Variants in BRWD1 observed in about 807,000 individuals in gnomAD.
BRWD1 encodes the protein bromodomain and WD repeat domain containing 1.
In BRWD1, 82 loss-of-function variants were observed where a neutral mutation model predicts 251.2. The observed-to-expected ratio is 0.33, with a 90% confidence interval of 0.27 to 0.39. The LOEUF (loss-of-function observed/expected upper bound fraction) is 0.39. Among genes scored for constraint, BRWD1 ranks in the 10% least tolerant of loss-of-function variants. The pLI is 1.00. For missense variants in BRWD1, 2,233 were observed against 2,711.6 expected (o/e 0.82, Z 3.92); for synonymous variants, 918 against 902.8 (o/e 1.02, Z -0.30).
Position 39,258,630 on chromosome 21 carries a change from T to C in BRWD1, c.1928A>G (p.Asn643Ser), listed in dbSNP as rs775121851. The C allele has an allele frequency of 4.3e-6, 7 of 1,610,518 alleles. No homozygotes were observed. Among genetic ancestry groups the C allele is most frequent in the Admixed American group, 3.3e-5 (2 of 59,756 alleles). The change falls in exon 18 of 41, where the codon AAT (asparagine) becomes AGT (serine). Residue 643 changes from asparagine to serine, a missense_variant. Around this residue, in one of 12 missense-constraint regions of BRWD1, gnomAD observed 315 missense variants for 421.8 expected, o/e 0.75. Coordinates refer to ENST00000342449, the MANE Select transcript of BRWD1 (RefSeq NM_033656.4). ...TTCTGGGCTGCGTTCATCATTATCA[T>C]TGGTTTGCAGGCTTATAATTTGTTC... Reference protein sequence around the residue: ...VIEQIISLQTNDNDERSPESS... With the variant: ...VIEQIISLQTSDNDERSPESS...
At chr21:39,209,232 C>T (rs1486129928) in intron 36 of BRWD1, among the ~76,000 whole-genome samples, 2 of 152,056 alleles carry the variant, frequency 1.3e-5, no homozygotes, top group Non-Finnish European at 2.9e-5. Flanking sequence ...TTCCAGACCT[C>T]TCCTTTCCTT....
chr21:39,196,095 G>A lies in BRWD1; in HGVS notation c.*164C>T. 1 of 1,384,780 alleles carries A rather than the reference G, an allele frequency of 7.2e-7. No homozygotes were observed. The highest frequency in any genetic ancestry group is 9.3e-7 in the Non-Finnish European group (1 of 1,075,042). The allele number at this position is 1,384,780 out of a possible 1,614,324, so 85.8% of individuals were successfully genotyped here. A position where few individuals can be genotyped will look rare whatever the true frequency, so the allele number is the denominator to read the frequency against. ...TGAATGCTGCTACAAAGACCAGCAA[G>A]TGCAAATAAAAATAACAGTCATGAT... On this transcript the variant is annotated 3_prime_UTR_variant, in exon 41 of 41. Coordinates refer to ENST00000342449, the MANE Select transcript of BRWD1 (RefSeq NM_033656.4).
chr21:39,249,745 A>G (rs1171927110), intron 20 of BRWD1, among the ~76,000 whole-genome samples: 3 of 152,246 alleles, frequency 2.0e-5, no homozygotes, highest in African/African-American at 4.8e-5. Context: ...AAAAACTCGT[A>G]TTAATGAGTT....
In BRWD1 at chr21:39,194,606, G is replaced by A. The variant is rs1423146863; in HGVS notation, c.*1653C>T. The A allele has an allele frequency of 2.3e-5, 34 of 1,509,432 alleles. No individual in the cohort carries two copies. The South Asian group carries it at 3.9e-4, about 17-fold the overall frequency. 93.5% of individuals were successfully genotyped at this position (1,509,432 alleles called of 1,614,324 possible). Reference sequence around the variant, plus strand: ...AAAACATCCTTCCCCATGCATCAGAGTAGAAAGAAAATGTACCTTCTACTA... The same window carrying A: ...AAAACATCCTTCCCCATGCATCAGAATAGAAAGAAAATGTACCTTCTACTA... On this transcript the variant is annotated 3_prime_UTR_variant, in exon 41 of 41. Coordinates refer to ENST00000342449, the MANE Select transcript of BRWD1 (RefSeq NM_033656.4).
intron 40 of BRWD1, 119 bp downstream of exon 40, chr21:39,198,644 G>T (rs2031944672): frequency 1.2e-6 from 1 of 803,002 alleles, no homozygotes; most frequent in Non-Finnish European, 1.9e-6. Context: ...GGGAGGGAGA[G>T]AAACAGCAAA....
At chr21:39,267,926 A>G (rs1299017274) in intron 15 of BRWD1, among the ~76,000 whole-genome samples, 3 of 152,224 alleles carry the variant, frequency 2.0e-5, no homozygotes, top group Non-Finnish European at 4.4e-5. Flanking sequence ...GTTTTACATG[A>G]AATAAGATTA....
intron 15 of BRWD1, among the ~76,000 whole-genome samples, chr21:39,267,109 A>G (rs891442900): frequency 6.6e-6 from 1 of 152,202 alleles, no homozygotes; most frequent in Non-Finnish European, 1.5e-5. Flanking sequence ...TTTTCCAATA[A>G]TTTGAATACA....
Position 39,298,561 on chromosome 21 carries a change from C to G in BRWD1, c.220G>C (p.Ala74Pro), listed in dbSNP as rs1388598697. The change falls in exon 5 of 41, where the codon GCT becomes CCT. Residue 74 changes from alanine (A) to proline (P), a missense_variant. Around this residue, in one of 12 missense-constraint regions of BRWD1, gnomAD observed 101 missense variants for 95.6 expected, o/e 1.06. Transcript: ENST00000342449. ...CAGATTTGCAAAAGATGATCAGGAG[C>G]CACATGCTTATTGGACAAGACCTAG... is the stretch of plus-strand genomic sequence containing the variant. ...EELVLSNKHV[A>P]PDHLLQICQR... is the part of the protein sequence containing the mutation. 1 of 1,599,306 alleles carries G rather than the reference C, an allele frequency of 6.3e-7. No homozygotes were observed. The highest frequency in any genetic ancestry group is 1.8e-5 in the Admixed American group (1 of 56,494).
intron 8 of BRWD1, among the ~76,000 whole-genome samples, chr21:39,289,117 GA>G (rs1342182858): frequency 1.3e-5 from 2 of 152,110 alleles, no homozygotes; most frequent in Non-Finnish European, 2.9e-5. Context: ...TGTTTACATT[GA>G]CATTTACTAT....
At chr21:39,278,702 A>T (rs374387045) in intron 10 of BRWD1, 41 bp downstream of exon 10, 96 of 1,042,644 alleles carry the variant, frequency 9.2e-5, no homozygotes, top group Non-Finnish European at 1.2e-4. Flanking sequence ...ATAGATGTTT[A>T]AAAAAAAAAA....
At chr21:39,245,898 G>A (rs554683672) in intron 21 of BRWD1, among the ~76,000 whole-genome samples, 13 of 152,062 alleles carry the variant, frequency 8.5e-5, no homozygotes, top group Admixed American at 3.3e-4. Flanking sequence ...CACCGTGCCC[G>A]GCCTATTAAA....
At position 39,189,484 on chromosome 21, in the gene BRWD1, A is replaced by C. The variant is rs186966887; in HGVS notation, c.*6775T>G. On this transcript the variant is annotated 3_prime_UTR_variant, in exon 41 of 41. Coordinates refer to ENST00000342449, the MANE Select transcript of BRWD1 (RefSeq NM_033656.4). ...AATGGAAAAGTTAAGATTCTGCAGG[A>C]AAAAAAAAACTAAAATCAGGTTTTT... 11 of 924,220 alleles carry C rather than the reference A, an allele frequency of 1.2e-5. No individual in the cohort carries two copies. The highest frequency in any genetic ancestry group is 6.4e-5 in the Admixed American group (1 of 15,662). 57.3% of individuals were successfully genotyped at this position (924,220 alleles called of 1,614,324 possible). A position where few individuals can be genotyped will look rare whatever the true frequency, so the allele number is the denominator to read the frequency against.
chr21:39,196,827 G>T lies in BRWD1; in HGVS notation c.6242C>A (p.Ala2081Glu), dbSNP rs982565745. ...SESTLAQKATAENNFEVELNY... is the reference protein window; with the variant it reads ...SESTLAQKATEENNFEVELNY... ...CAGTTCCACTTCAAAATTATTCTCT[G>T]CAGTAGCTTTTTGTGCCAAGGTTGA... Residue 2081 changes from alanine (A) to glutamate (E), a missense_variant, in exon 41 of 41, where the codon GCA becomes GAA. Transcript: ENST00000342449. 1 of 1,613,302 alleles carries T rather than the reference G, an allele frequency of 6.2e-7. No homozygotes were observed. Among genetic ancestry groups the T allele is most frequent in the African/African-American group, 1.3e-5 (1 of 74,866 alleles).
intron 30 of BRWD1, 82 bp from the exon 31 acceptor site, chr21:39,218,354 A>G: frequency 6.7e-7 from 1 of 1,500,230 alleles, no homozygotes; most frequent in Non-Finnish European, 8.9e-7. Context: ...TTCATAAGAT[A>G]TGGCTACATT....
intron 8 of BRWD1, among the ~76,000 whole-genome samples, chr21:39,281,860 T>TC (rs2035467785): frequency 6.8e-6 from 1 of 146,708 alleles, no homozygotes; most frequent in Admixed American, 7.0e-5. Context: ...ACAGCAAGAC[T>TC]CCTTCACCTA....
At chr21:39,221,515 A>G (rs1377708737) in intron 29 of BRWD1, among the ~76,000 whole-genome samples, 4 of 152,128 alleles carry the variant, frequency 2.6e-5, no homozygotes, top group East Asian at 1.9e-4. Flanking sequence ...TGAAACAGTA[A>G]AAGAAAATAA....
rs1387048262 is a variant in BRWD1 at position 39,313,606 on chromosome 21, GCCGCCGCCATA to G, written c.-126_-116del. The G allele has an allele frequency of 9.4e-6, 8 of 848,836 alleles. No individual in the cohort carries two copies. Among genetic ancestry groups the G allele is most frequent in the Non-Finnish European group, 1.2e-5 (8 of 640,616 alleles). 52.6% of individuals were successfully genotyped at this position (848,836 alleles called of 1,614,324 possible). A position where few individuals can be genotyped will look rare whatever the true frequency, so the allele number is the denominator to read the frequency against. ...TCAGGCGCGCGCCGCCGCCGCCGCC[GCCGCCGCCATA>G]CCGTGCGCGCCGCCTGGACCGACGC... On this transcript the variant is annotated 5_prime_UTR_variant, in exon 1 of 41. The change abolishes an upstream ATG in the 5' untranslated region. Transcript: ENST00000342449.
Position 39,187,438 on chromosome 21 carries a change from C to G in BRWD1, c.*8821G>C, listed in dbSNP as rs1408815111. Reference sequence around the variant, plus strand: ...AAATTCTGAAAAATGAGTGAAAGTTCATGTAAATGCAAAAATCTTGTAACA... The same window carrying G: ...AAATTCTGAAAAATGAGTGAAAGTTGATGTAAATGCAAAAATCTTGTAACA... On this transcript the variant is annotated 3_prime_UTR_variant, in exon 41 of 41. Coordinates refer to ENST00000342449, the MANE Select transcript of BRWD1 (RefSeq NM_033656.4). 6.5e-7 allele frequency: 1 copy of G among 1,526,842 alleles called. No individual in the cohort carries two copies. The highest frequency in any genetic ancestry group is 8.8e-7 in the Non-Finnish European group (1 of 1,140,994). 94.6% of individuals were successfully genotyped at this position (1,526,842 alleles called of 1,614,324 possible). A position where few individuals can be genotyped will look rare whatever the true frequency, so the allele number is the denominator to read the frequency against.
chr21:39,239,203 T>A (rs1164865183), intron 21 of BRWD1, among the ~76,000 whole-genome samples: 2 of 152,202 alleles, frequency 1.3e-5, no homozygotes, highest in Non-Finnish European at 2.9e-5. Context: ...AAATTTTTTA[T>A]ATTTTTTCTT....
Sources: gnomAD v4.1 joint callset for allele counts (sites outside exome capture counted in the v4.1 genomes callset) on GRCh38, gnomAD v4.1.1 for gene constraint, gnomAD v4.1.1 regional missense constraint, MANE v1.5 for transcripts, NCBI Gene and HGNC (gene_info 2026-07-23, HGNC 2026-07-21) for gene names.